Variants in SRRM4 observed in about 807,000 individuals in gnomAD.
The protein encoded by SRRM4 is serine/arginine repetitive matrix protein 4.
Under a neutral mutation model 68.9 loss-of-function variants are expected in SRRM4, and 33 were observed. The observed-to-expected ratio is 0.48, with a 90% CI of 0.36 to 0.64. SRRM4 has a LOEUF of 0.64. Among genes scored for constraint, SRRM4 ranks in the 30% least tolerant of loss-of-function variants. The probability of loss-of-function intolerance (pLI) is 0.00; values close to 1 mark genes in which losing one functional copy is unlikely to be tolerated. For synonymous variants in SRRM4, 318 were observed against 318.8 expected (o/e 1.00, Z 0.03); for missense variants, 817 against 827.1 (o/e 0.99, Z 0.15).
At position 119,130,409 on chromosome 12, in the gene SRRM4, AGATG is replaced by A. The variant is rs71069491; in HGVS notation, c.615-235_615-232del. Among the ~76,000 whole-genome samples, 854 of 142,502 alleles carry A rather than the reference AGATG, an allele frequency of 6.0e-3. 4 individuals carry two copies. Among genetic ancestry groups the A allele is most frequent in the East Asian group, 0.026 (119 of 4,560 alleles). The allele number at this position is 142,502 out of a possible 152,430, so 93.5% of individuals were successfully genotyped here. ...TGGATGAATAGATGGTTGCTTAGAC[AGATG>A]GATGGATGGATGGATGGATGGATGG... On this transcript the variant is annotated intron_variant, in intron 7 of 12. Coordinates refer to ENST00000267260, the MANE Select transcript of SRRM4 (RefSeq NM_194286.4).
intron 1 of SRRM4, among the ~76,000 whole-genome samples, chr12:119,073,247 C>T (rs570007821): frequency 6.6e-6 from 1 of 151,472 alleles, no homozygotes; most frequent in Admixed American, 6.6e-5. Context: ...CTACTCCTTA[C>T]TTGCTGTGTG....
chr12:119,057,885 A>G (rs1356021803), intron 1 of SRRM4, among the ~76,000 whole-genome samples: 1 of 152,102 alleles, frequency 6.6e-6, no homozygotes, highest in Non-Finnish European at 1.5e-5. Context: ...AGTAATTGCC[A>G]TTGGTCCAGG....
chr12:119,147,515 C>T (rs891695135), intron 9 of SRRM4, among the ~76,000 whole-genome samples: 4 of 152,184 alleles, frequency 2.6e-5, no homozygotes, highest in Admixed American at 1.3e-4. Flanking sequence ...AAATGGACCA[C>T]GTTGGTGGAG....
chr12:119,162,684 C>T lies in SRRM4; in HGVS notation c.*5886C>T, dbSNP rs930425536. On this transcript the variant is annotated 3_prime_UTR_variant, in exon 13 of 13. Transcript: ENST00000267260. ...CCCAATTCTTAGCTATTTCCTCAAG[C>T]AATGATTGGCCAAGGACCTAGCATA... The T allele has an allele frequency of 6.6e-6, 1 of 152,146 alleles. No homozygotes were observed. Among genetic ancestry groups the T allele is most frequent in the African/African-American group, 2.4e-5 (1 of 41,436 alleles). The allele number at this position is 152,146 out of a possible 1,614,324, so 9.4% of individuals were successfully genotyped here.
At chr12:119,016,518 T>C (rs1185775004) in intron 1 of SRRM4, among the ~76,000 whole-genome samples, 3 of 152,014 alleles carry the variant, frequency 2.0e-5, no homozygotes, top group Non-Finnish European at 4.4e-5. Flanking sequence ...GCCCAATTTC[T>C]AATCAAGAAT....
At chr12:119,119,373 G>A (rs1954203353) in intron 4 of SRRM4, among the ~76,000 whole-genome samples, 1 of 151,846 alleles carries the variant, frequency 6.6e-6, no homozygotes, top group Admixed American at 6.6e-5. Flanking sequence ...TCACATTCTA[G>A]TGGGGAAAAT....
chr12:119,077,331 T>A (rs1489304304), intron 1 of SRRM4, among the ~76,000 whole-genome samples: 1 of 152,204 alleles, frequency 6.6e-6, no homozygotes, highest in East Asian at 1.9e-4. Flanking sequence ...GTGATTTTGA[T>A]ATAAGTGATC....
At chr12:118,999,472 G>A (rs1953369977) in intron 1 of SRRM4, among the ~76,000 whole-genome samples, 1 of 152,112 alleles carries the variant, frequency 6.6e-6, no homozygotes, top group Non-Finnish European at 1.5e-5. Flanking sequence ...TAAGTTTGAG[G>A]GTGATTTATC....
intron 1 of SRRM4, among the ~76,000 whole-genome samples, chr12:119,091,064 C>G (rs143245759): frequency 1.3e-5 from 2 of 152,172 alleles, no homozygotes; most frequent in African/African-American, 4.8e-5. Context: ...ATTTCAGCAG[C>G]GGCTTACTGT....
chr12:119,085,478 C>T (rs1053480045), intron 1 of SRRM4, among the ~76,000 whole-genome samples: 1 of 152,184 alleles, frequency 6.6e-6, no homozygotes, highest in Non-Finnish European at 1.5e-5. Flanking sequence ...CAAAGACAGC[C>T]AAGATGCTGG....
chr12:119,129,720 G>T (rs1954281976), intron 7 of SRRM4, among the ~76,000 whole-genome samples: 1 of 152,184 alleles, frequency 6.6e-6, no homozygotes, highest in South Asian at 2.1e-4. Context: ...AGTAGTATTT[G>T]TCAAATGAAC....
chr12:119,117,074 TA>T, intron 4 of SRRM4, 66 bp downstream of exon 4: 1 of 1,293,636 alleles, frequency 7.7e-7, no homozygotes, highest in South Asian at 1.2e-5. Context: ...TTGATGGCAC[TA>T]AAAGGTCATC....
intron 1 of SRRM4, among the ~76,000 whole-genome samples, chr12:119,089,372 G>A (rs1251267498): frequency 6.6e-6 from 1 of 152,178 alleles, no homozygotes; most frequent in Non-Finnish European, 1.5e-5. Context: ...GCAGATAAAA[G>A]TCCCAACGGA....
intron 1 of SRRM4, among the ~76,000 whole-genome samples, chr12:119,039,993 A>T (rs1953655771): frequency 6.6e-6 from 1 of 152,154 alleles, no homozygotes; most frequent in Non-Finnish European, 1.5e-5. Context: ...ACTTTCACAT[A>T]CAGGGGAGTG....
chr12:119,098,552 C>T (rs188791170), intron 1 of SRRM4, among the ~76,000 whole-genome samples: 405 of 152,330 alleles, frequency 2.7e-3, no homozygotes, highest in Non-Finnish European at 4.4e-3. Flanking sequence ...GGCAGAAAGA[C>T]GCAGTCTTGC....
intron 1 of SRRM4, among the ~76,000 whole-genome samples, chr12:119,050,348 G>T (rs1953734800): frequency 6.6e-6 from 1 of 152,216 alleles, no homozygotes; most frequent in South Asian, 2.1e-4. Context: ...ACCTACATGT[G>T]CCAGGTTCTA....
At chr12:119,106,353 T>C (rs1179585918) in intron 2 of SRRM4, among the ~76,000 whole-genome samples, 1 of 152,158 alleles carries the variant, frequency 6.6e-6, no homozygotes, top group Non-Finnish European at 1.5e-5. Context: ...GAAAAAGTCA[T>C]TGGTAGCTTG....
intron 6 of SRRM4, among the ~76,000 whole-genome samples, chr12:119,122,966 G>A (rs962594859): frequency 2.6e-5 from 4 of 152,196 alleles, no homozygotes; most frequent in African/African-American, 9.7e-5. Context: ...AGCCACTGCT[G>A]CCTGTGGAGT....
rs1244103845 is a variant in SRRM4 at position 119,089,443 on chromosome 12, A to G, written c.132-12793A>G. On this transcript the variant is annotated intron_variant, in intron 1 of 12. Coordinates refer to ENST00000267260, the MANE Select transcript of SRRM4 (RefSeq NM_194286.4). ...TCACTGTGGAGGAGGCATTTCCTAC[A>G]GGTGGGAACAGCTGGATGCCTGGGT... is the stretch of plus-strand genomic sequence containing the variant. Among the ~76,000 whole-genome samples the G allele has an allele frequency of 2.0e-5, 3 of 152,224 alleles. No individual in the cohort carries two copies. In the South Asian group the frequency reaches 6.2e-4, roughly 31 times the overall value.
Sources: gnomAD v4.1 joint callset for allele counts (sites outside exome capture counted in the v4.1 genomes callset) on GRCh38, gnomAD v4.1.1 for gene constraint, MANE v1.5 for transcripts, NCBI Gene and HGNC (gene_info 2026-07-23, HGNC 2026-07-21) for gene names.